TRIM13: variants seen among roughly 807,000 people sequenced by gnomAD.
TRIM13 encodes tripartite motif containing 13.
Under a neutral mutation model 27.1 loss-of-function variants are expected in TRIM13, and 15 were observed. The ratio of observed to expected loss-of-function variants is 0.55; its 90% CI spans 0.37 to 0.85. TRIM13 has a LOEUF of 0.85. Ranked by LOEUF, TRIM13 falls within the 40% of genes least tolerant of loss-of-function variation. The probability of loss-of-function intolerance (pLI) is 0.00; values close to 1 mark genes in which losing one functional copy is unlikely to be tolerated. For missense variants in TRIM13, 402 were observed against 472.2 expected (o/e 0.85, Z 1.38); for synonymous variants, 193 against 171.5 (o/e 1.13, Z -0.98).
intron 1 of TRIM13, 98 bp downstream of exon 1, chr13:49,997,861 G>A (rs1030469901): frequency 4.0e-5 from 6 of 151,726 alleles, no homozygotes; most frequent in South Asian, 2.1e-4. Context: ...TGTAGAATAC[G>A]TATGTTCCCA....
intron 1 of TRIM13, among the ~76,000 whole-genome samples, chr13:50,000,457 AAC>A (rs764420818): frequency 3.9e-5 from 6 of 152,218 alleles, no homozygotes; most frequent in Admixed American, 6.5e-5. Flanking sequence ...ATACCAAAAA[AAC>A]ACAACAACCC....
At chr13:49,999,353 C>T (rs981477351) in intron 1 of TRIM13, among the ~76,000 whole-genome samples, 4 of 152,078 alleles carry the variant, frequency 2.6e-5, no homozygotes, top group African/African-American at 9.7e-5. Context: ...TGCGTTTCAC[C>T]CCAAACCCGG....
chr13:50,009,179 A>G (rs748034224), intron 1 of TRIM13, among the ~76,000 whole-genome samples: 4 of 152,194 alleles, frequency 2.6e-5, no homozygotes, highest in Non-Finnish European at 5.9e-5. Flanking sequence ...GAAAATAACT[A>G]TTTTCCAAAA....
At chr13:50,003,009 T>G (rs1874239133) in intron 1 of TRIM13, among the ~76,000 whole-genome samples, 1 of 152,220 alleles carries the variant, frequency 6.6e-6, no homozygotes, top group African/African-American at 2.4e-5. Flanking sequence ...CTCATGCCTG[T>G]AGTCCCAGCT....
chr13:50,007,909 G>A (rs879838931), intron 1 of TRIM13, among the ~76,000 whole-genome samples: 8 of 150,606 alleles, frequency 5.3e-5, no homozygotes, highest in South Asian at 2.1e-4. Flanking sequence ...AAAAGTATTC[G>A]CTTTTTTTTT....
chr13:50,011,156 A>G (rs907837007), intron 1 of TRIM13, among the ~76,000 whole-genome samples: 1 of 152,208 alleles, frequency 6.6e-6, no homozygotes, highest in African/African-American at 2.4e-5. Flanking sequence ...TTGCTTTTAC[A>G]CCATTGGTAC....
Position 50,015,117 on chromosome 13 carries a change from A to ATATAT in TRIM13, c.*1954_*1958dup, listed in dbSNP as rs1876341910. On this transcript the variant is annotated 3_prime_UTR_variant, in exon 2 of 2. Transcript: ENST00000378182. ...AAAATATATATATATATATATATAT[A>ATATAT]TATATATATATATATATATATATAT... 4.3e-5 allele frequency: 1 copy of ATATAT among 23,234 alleles called. No homozygotes were observed. Among genetic ancestry groups the ATATAT allele is most frequent in the African/African-American group, 1.3e-4 (1 of 7,832 alleles). The allele number at this position is 23,234 out of a possible 1,614,324, so 1.4% of individuals were successfully genotyped here. A position where few individuals can be genotyped will look rare whatever the true frequency, so the allele number is the denominator to read the frequency against.
Position 50,012,685 on chromosome 13 carries a change from C to A in TRIM13, c.745C>A (p.Leu249Met). The change falls in exon 2 of 2, where the codon CTG (leucine) becomes ATG (methionine). Residue 249 changes from leucine to methionine, a missense_variant. Physicochemically the swap from Leu to Met is conservative, Grantham distance 15. Transcript: ENST00000378182. ...AGATGTGTCAGAACCCATTGTATTT[C>A]TGCAACAGATGCAGGAGTTTAGAGA... ...FKDVSEPIVFLQQMQEFREKI... is the reference protein window; with the variant it reads ...FKDVSEPIVFMQQMQEFREKI... 1.2e-6 allele frequency: 2 copies of A among 1,614,122 alleles called. No homozygotes were observed. Among genetic ancestry groups the A allele is most frequent in the Non-Finnish European group, 1.7e-6 (2 of 1,180,014 alleles).
chr13:50,015,089 AAAAAAATATATATATATATATATAT>A lies in TRIM13; in HGVS notation c.*1927_*1951del, dbSNP rs1193639278. The A allele has an allele frequency of 1.0e-3, 44 of 43,348 alleles. 1 individual carries two copies. Among genetic ancestry groups the A allele is most frequent in the Admixed American group, 5.4e-3 (17 of 3,170 alleles). 2.7% of individuals were successfully genotyped at this position (43,348 alleles called of 1,614,324 possible). A position where few individuals can be genotyped will look rare whatever the true frequency, so the allele number is the denominator to read the frequency against. On this transcript the variant is annotated 3_prime_UTR_variant, in exon 2 of 2. Coordinates refer to ENST00000378182, the MANE Select transcript of TRIM13 (RefSeq NM_213590.3). ...CCTCCCAGTAATAAAAAAAAAAAAA[AAAAAAATATATATATATATATATAT>A]ATATATATATATATATATATATATA...
intron 1 of TRIM13, among the ~76,000 whole-genome samples, chr13:49,999,624 T>C (rs1203422890): frequency 3.9e-5 from 6 of 152,206 alleles, no homozygotes; most frequent in Non-Finnish European, 8.8e-5. Flanking sequence ...GTGATCCTCC[T>C]GCTTCAGCCT....
At chr13:50,011,822 C>T in intron 1 of TRIM13, 113 bp from the exon 2 acceptor site, 2 of 1,286,024 alleles carry the variant, frequency 1.6e-6, no homozygotes, top group African/African-American at 3.0e-5. Context: ...CTTTGTTTGG[C>T]TGGTTATTTC....
chr13:50,003,994 A>G (rs1271009728), intron 1 of TRIM13, among the ~76,000 whole-genome samples: 1 of 152,196 alleles, frequency 6.6e-6, no homozygotes, highest in African/African-American at 2.4e-5. Context: ...TTTAATTGGT[A>G]TTTGTGCTTC....
intron 1 of TRIM13, among the ~76,000 whole-genome samples, chr13:50,008,899 C>T (rs185888426): frequency 5.3e-5 from 8 of 150,066 alleles, no homozygotes; most frequent in African/African-American, 1.7e-4. Context: ...TGTGATGGTG[C>T]GTGCCTGTAG....
chr13:50,002,679 T>C (rs577312216), intron 1 of TRIM13, among the ~76,000 whole-genome samples: 1 of 152,174 alleles, frequency 6.6e-6, no homozygotes, highest in South Asian at 2.1e-4. Flanking sequence ...TTTTTTCTTT[T>C]TGAGATGGAG....
intron 1 of TRIM13, among the ~76,000 whole-genome samples, chr13:50,008,237 C>T (rs565824012): frequency 3.9e-5 from 6 of 152,056 alleles, no homozygotes; most frequent in South Asian, 2.1e-4. Flanking sequence ...GATGGCCTAC[C>T]GATTAAGTCA....
At position 50,012,955 on chromosome 13, in the gene TRIM13, T is replaced by C; in HGVS notation, c.1015T>C (p.Ser339Pro). ...VFGPTMFLEWSLFDDLATWKG... is the reference protein window; with the variant it reads ...VFGPTMFLEWPLFDDLATWKG... The stretch of plus-strand genomic sequence containing the variant: ...TGGTCCTACCATGTTCCTAGAATGG[T>C]CATTATTTGATGACCTGGCAACTTG... The change falls in exon 2 of 2, where the codon TCA becomes CCA. Residue 339 changes from serine to proline, a missense_variant. Physicochemically the swap from Ser to Pro is moderately conservative, Grantham distance 74. Coordinates refer to ENST00000378182, the MANE Select transcript of TRIM13 (RefSeq NM_213590.3). The C allele has an allele frequency of 6.2e-7, 1 of 1,613,852 alleles. No homozygotes were observed. Among genetic ancestry groups the C allele is most frequent in the Non-Finnish European group, 8.5e-7 (1 of 1,179,860 alleles).
chr13:50,013,684 A>C lies in TRIM13; in HGVS notation c.*520A>C, dbSNP rs1875952126. ...ATTACAGGCGCGTGCCACCACGCCC[A>C]GCTAATTTTTTGTATTTTTAGTTGA... is the stretch of plus-strand genomic sequence containing the variant. On this transcript the variant is annotated 3_prime_UTR_variant, in exon 2 of 2. Transcript: ENST00000378182. 6.1e-6 allele frequency: 1 copy of C among 164,364 alleles called. No individual in the cohort carries two copies. The highest frequency in any genetic ancestry group is 6.6e-5 in the Admixed American group (1 of 15,214). 10.2% of individuals were successfully genotyped at this position (164,364 alleles called of 1,614,324 possible). A position where few individuals can be genotyped will look rare whatever the true frequency, so the allele number is the denominator to read the frequency against.
rs2138315773 is a variant in TRIM13, at chr13:49,997,053, G to C, written c.-717G>C. The C allele has an allele frequency of 7.0e-6, 1 of 143,204 alleles. No individual in the cohort carries two copies. Among genetic ancestry groups the C allele is most frequent in the East Asian group, 2.1e-4 (1 of 4,764 alleles). 8.9% of individuals were successfully genotyped at this position (143,204 alleles called of 1,614,324 possible). A position where few individuals can be genotyped will look rare whatever the true frequency, so the allele number is the denominator to read the frequency against. On this transcript the variant is annotated 5_prime_UTR_variant, in exon 1 of 2. Coordinates refer to ENST00000378182, the MANE Select transcript of TRIM13 (RefSeq NM_213590.3). ...CTAGCCGGAGCCGCGAGTCCATTTTGGGGCTGTGCTTGGCGCGTACCGTGC... is the reference window on the plus strand; with the variant it reads ...CTAGCCGGAGCCGCGAGTCCATTTTCGGGCTGTGCTTGGCGCGTACCGTGC...
At position 49,999,973 on chromosome 13, in the gene TRIM13, G is replaced by A. The variant is rs554635338; in HGVS notation, c.-7+2210G>A. Among the ~76,000 whole-genome samples the A allele has an allele frequency of 8.5e-5, 13 of 152,076 alleles. No homozygotes were observed. In the South Asian group the frequency reaches 1.5e-3, roughly 17 times the overall value. ...GAGTCTCCACTTCTTGAGTGCTGGG[G>A]GTGTCTTAGTTTTTTTGACTCCTAA... On this transcript the variant is annotated intron_variant, in intron 1 of 1. Coordinates refer to ENST00000378182, the MANE Select transcript of TRIM13 (RefSeq NM_213590.3).
Sources: allele counts gnomAD v4.1 joint callset (sites outside exome capture counted in the v4.1 genomes callset), GRCh38; gene constraint gnomAD v4.1.1; transcripts MANE v1.5; gene names NCBI Gene and HGNC (gene_info 2026-07-23, HGNC 2026-07-21).